The following METTL16 variants were observed in gnomAD, a reference collection of about 807,000 sequenced individuals.
METTL16 encodes methyltransferase 16, RNA N6-adenosine, also known as RNA N(6)-adenosine-methyltransferase METTL16.
METTL16 carries 19 observed loss-of-function variants against 57.9 expected under a neutral mutation model. The observed-to-expected ratio is 0.33, with a 90% CI of 0.23 to 0.48. The LOEUF is 0.48. Among genes scored for constraint, METTL16 ranks in the 20% least tolerant of loss-of-function variants. The probability of loss-of-function intolerance (pLI) is 0.99; values close to 1 mark genes in which losing one functional copy is unlikely to be tolerated. For missense variants in METTL16, 434 were observed against 691.5 expected (o/e 0.63, Z 4.18); for synonymous variants, 246 against 255.6 (o/e 0.96, Z 0.36).
At chr17:2,426,940 G>GC (rs2066824151) in intron 8 of METTL16, among the ~76,000 whole-genome samples, 1 of 150,028 alleles carries the variant, frequency 6.7e-6, no homozygotes, top group African/African-American at 2.5e-5. Flanking sequence ...TTCCAGACCA[G>GC]CCTGGCCAAC....
chr17:2,480,372 T>G (rs1407715380), intron 2 of METTL16, among the ~76,000 whole-genome samples: 1 of 151,968 alleles, frequency 6.6e-6, no homozygotes, highest in Non-Finnish European at 1.5e-5. Context: ...AGACACTAAC[T>G]TATAGGGAGG....
chr17:2,495,602 GA>G (rs535493307), intron 2 of METTL16, among the ~76,000 whole-genome samples: 194 of 149,400 alleles, frequency 1.3e-3, no homozygotes, highest in Non-Finnish European at 2.0e-3. Context: ...GGCTGAGGCA[GA>G]AGAATCCCTT....
intron 2 of METTL16, among the ~76,000 whole-genome samples, chr17:2,489,749 A>AAAAAAAAAAAAAAAC (rs1555620741): frequency 6.8e-6 from 1 of 148,106 alleles, no homozygotes; most frequent in African/African-American, 2.5e-5. Flanking sequence ...AAAAAAAAAA[A>AAAAAAAAAAAAAAAC]CGAATACTGC....
At chr17:2,498,599 C>T (rs1483008367) in intron 2 of METTL16, among the ~76,000 whole-genome samples, 6 of 150,886 alleles carry the variant, frequency 4.0e-5, no homozygotes, top group Admixed American at 6.6e-5. Context: ...ATTAGATGGC[C>T]GTGGTGGTGC....
chr17:2,493,494 G>A (rs781269389), intron 2 of METTL16, among the ~76,000 whole-genome samples: 2 of 151,790 alleles, frequency 1.3e-5, no homozygotes, highest in East Asian at 3.9e-4. Context: ...CAAAGCGGGC[G>A]GATCACTTGA....
chr17:2,472,124 A>C (rs1266326337), intron 4 of METTL16, among the ~76,000 whole-genome samples: 1 of 152,144 alleles, frequency 6.6e-6, no homozygotes, highest in Non-Finnish European at 1.5e-5. Context: ...CAAAAAAAAA[A>C]AAAGGGCAAA....
At chr17:2,439,285 A>AT (rs2066930525) in intron 7 of METTL16, among the ~76,000 whole-genome samples, 1 of 151,840 alleles carries the variant, frequency 6.6e-6, no homozygotes, top group Non-Finnish European at 1.5e-5. Context: ...AACTTTTTGT[A>AT]TTTTTTTGTT....
chr17:2,507,814 T>C (rs2067557694), intron 1 of METTL16, among the ~76,000 whole-genome samples: 1 of 152,186 alleles, frequency 6.6e-6, no homozygotes, highest in South Asian at 2.1e-4. Flanking sequence ...ATCCTGTTGA[T>C]CTGTGACCTT....
chr17:2,490,910 C>T (rs1266724078), intron 2 of METTL16, among the ~76,000 whole-genome samples: 3 of 152,064 alleles, frequency 2.0e-5, no homozygotes, highest in African/African-American at 7.2e-5. Flanking sequence ...GAACTATATC[C>T]TAAAAAAGTA....
At chr17:2,496,137 C>A (rs1030407334) in intron 2 of METTL16, among the ~76,000 whole-genome samples, 9 of 150,430 alleles carry the variant, frequency 6.0e-5, no homozygotes, top group Non-Finnish European at 5.9e-5. Flanking sequence ...CACACACACA[C>A]AAAACAAAAC....
intron 2 of METTL16, among the ~76,000 whole-genome samples, chr17:2,490,407 C>T (rs972260612): frequency 1.1e-4 from 17 of 151,924 alleles, no homozygotes; most frequent in Non-Finnish European, 2.4e-4. Context: ...GAGAAGACGA[C>T]GAATGATTGT....
Position 2,475,076 on chromosome 17 carries a change from T to C in METTL16, c.329-1412A>G, listed in dbSNP as rs73976536. Among the ~76,000 whole-genome samples the C allele has an allele frequency of 6.7e-3, 1,017 of 152,294 alleles. 12 individuals are homozygous for C. Among genetic ancestry groups the C allele is most frequent in the African/African-American group, 0.023 (944 of 41,564 alleles). The stretch of plus-strand genomic sequence containing the variant: ...CCATATCCCAATTCTGGTCTAGCCT[T>C]GTAAGGATTTGCCAGGAAGAAGCAG... On this transcript the variant is annotated intron_variant, in intron 3 of 9. Coordinates refer to ENST00000263092, the MANE Select transcript of METTL16 (RefSeq NM_024086.4).
chr17:2,421,160 C>A (rs1300631188), intron 8 of METTL16, among the ~76,000 whole-genome samples: 2 of 152,120 alleles, frequency 1.3e-5, no homozygotes, highest in Non-Finnish European at 2.9e-5. Flanking sequence ...TTGAGATCAG[C>A]CCCAGCAACA....
At chr17:2,511,449 C>A (rs990180770) in intron 1 of METTL16, among the ~76,000 whole-genome samples, 1 of 152,156 alleles carries the variant, frequency 6.6e-6, no homozygotes, top group Non-Finnish European at 1.5e-5. Context: ...CCTGCCACTG[C>A]CGTTCTTTCC....
At chr17:2,510,951 G>A (rs1167420731) in intron 1 of METTL16, among the ~76,000 whole-genome samples, 1 of 151,804 alleles carries the variant, frequency 6.6e-6, no homozygotes, top group African/African-American at 2.4e-5. Flanking sequence ...AAAATCTCCC[G>A]TCAGTAAGTT....
rs1438456183 is a variant in METTL16 at position 2,511,849 on chromosome 17, G to A, written c.-91C>T. 2 of 398,542 alleles carry A rather than the reference G, an allele frequency of 5.0e-6. No individual in the cohort carries two copies. Among genetic ancestry groups the A allele is most frequent in the Non-Finnish European group, 4.4e-6 (1 of 226,132 alleles). 24.7% of individuals were successfully genotyped at this position (398,542 alleles called of 1,614,324 possible). A position where few individuals can be genotyped will look rare whatever the true frequency, so the allele number is the denominator to read the frequency against. ...AAGCAGCCGCATAGCGAAGCTCCTA[G>A]AAACGCAGATGATACGCTCCCAGCG... On this transcript the variant is annotated 5_prime_UTR_variant, in exon 1 of 10. Coordinates refer to ENST00000263092, the MANE Select transcript of METTL16 (RefSeq NM_024086.4).
At chr17:2,464,645 C>G (rs922616271) in intron 5 of METTL16, among the ~76,000 whole-genome samples, 2 of 152,140 alleles carry the variant, frequency 1.3e-5, no homozygotes, top group African/African-American at 4.8e-5. Context: ...TTCTCCTGTA[C>G]AGAAGATCCA....
intron 3 of METTL16, among the ~76,000 whole-genome samples, chr17:2,474,386 G>GAAAAAAAAAAAAAAAAAAAAA (rs752477163): frequency 3.3e-5 from 2 of 60,248 alleles, no homozygotes; most frequent in Non-Finnish European, 8.0e-5. Context: ...GAAACAAAAA[G>GAAAAAAAAAAAAAAAAAAAAA]AAAAAAAAAA....
chr17:2,496,682 G>A (rs1373632290), intron 2 of METTL16, among the ~76,000 whole-genome samples: 2 of 151,514 alleles, frequency 1.3e-5, no homozygotes, highest in Non-Finnish European at 2.9e-5. Flanking sequence ...ATCTGAATGT[G>A]TCCCCCAGAA....
Sources: gnomAD v4.1 joint callset for allele counts (sites outside exome capture counted in the v4.1 genomes callset) on GRCh38, gnomAD v4.1.1 for gene constraint, MANE v1.5 for transcripts, NCBI Gene and HGNC (gene_info 2026-07-23, HGNC 2026-07-21) for gene names.